Variants in TRAPPC6A observed in about 807,000 individuals in gnomAD.
The protein encoded by TRAPPC6A is trafficking protein particle complex subunit 6A.
Under a neutral mutation model 20.8 loss-of-function variants are expected in TRAPPC6A, and 25 were observed. The ratio of observed to expected loss-of-function variants is 1.20; its 90% CI spans 0.88 to 1.68. TRAPPC6A has a LOEUF of 1.68. Ranked by LOEUF, TRAPPC6A falls within the 40% of genes most tolerant of loss-of-function variation. TRAPPC6A has a pLI of 0.00. For missense variants in TRAPPC6A, 215 were observed against 211.6 expected (o/e 1.02, Z -0.10); for synonymous variants, 96 against 93.3 (o/e 1.03, Z -0.16).
intron 1 of TRAPPC6A, among the ~76,000 whole-genome samples, chr19:45,169,103 G>A (rs898424408): frequency 6.6e-6 from 1 of 152,186 alleles, no homozygotes; most frequent in Non-Finnish European, 1.5e-5. Context: ...GCCGATGACT[G>A]CAGGAGACGG....
Position 45,163,866 on chromosome 19 carries a change from C to A in TRAPPC6A, c.448+50G>T. ...AGGAGTGGGGCTGGAACTCTGAAGCCCCCAGCAACTCAAGGGATGAGAAGA... is the reference window on the plus strand; with the variant it reads ...AGGAGTGGGGCTGGAACTCTGAAGCACCCAGCAACTCAAGGGATGAGAAGA... On this transcript the variant is annotated intron_variant, in intron 5 of 5. Coordinates refer to ENST00000585934, the MANE Select transcript of TRAPPC6A (RefSeq NM_001270891.2). This position sits in a 1 kb window ranked among gnomAD's most constrained non-coding sequence, Gnocchi z 5.3. 6.7e-7 allele frequency: 1 copy of A among 1,484,644 alleles called. No individual in the cohort carries two copies. Among genetic ancestry groups the A allele is most frequent in the Non-Finnish European group, 9.2e-7 (1 of 1,088,148 alleles). The allele number at this position is 1,484,644 out of a possible 1,614,324, so 92.0% of individuals were successfully genotyped here.
chr19:45,178,234 GC>G lies in TRAPPC6A; in HGVS notation c.-17del. On this transcript the variant is annotated 5_prime_UTR_variant, in exon 1 of 6. Coordinates refer to ENST00000585934, the MANE Select transcript of TRAPPC6A (RefSeq NM_001270891.2). ...TATCCGCCATGCCCCCTCCTCGCAC[GC>G]CTAAAGATGCGCCCAGCGCTTCCAG... 3 of 1,576,230 alleles carry G rather than the reference GC, an allele frequency of 1.9e-6. No homozygotes were observed. Among genetic ancestry groups the G allele is most frequent in the Non-Finnish European group, 2.6e-6 (3 of 1,156,708 alleles).
chr19:45,169,665 G>A (rs982768676), intron 1 of TRAPPC6A, among the ~76,000 whole-genome samples: 2 of 152,232 alleles, frequency 1.3e-5, no homozygotes, highest in Admixed American at 1.3e-4. Flanking sequence ...AAGGAAGGGG[G>A]TCTGTTCTGT....
rs890350587 is a variant in TRAPPC6A at position 45,162,993 on chromosome 19, C to T, written c.*199G>A. The T allele has an allele frequency of 8.6e-6, 4 of 464,722 alleles. No homozygotes were observed. Among genetic ancestry groups the T allele is most frequent in the Admixed American group, 8.3e-5 (2 of 23,962 alleles). The allele number at this position is 464,722 out of a possible 1,614,324, so 28.8% of individuals were successfully genotyped here. A position where few individuals can be genotyped will look rare whatever the true frequency, so the allele number is the denominator to read the frequency against. ...GCAGTGACGCTGCCGAGGCGGGAAT[C>T]CCACCACAGTCCTGACCGCAGCTGG... On this transcript the variant is annotated 3_prime_UTR_variant, in exon 6 of 6. Coordinates refer to ENST00000585934, the MANE Select transcript of TRAPPC6A (RefSeq NM_001270891.2).
rs765109470 is a variant in TRAPPC6A, at chr19:45,163,203, G to T, written c.469C>A (p.Pro157Thr). The T allele has an allele frequency of 6.2e-7, 1 of 1,613,940 alleles. No homozygotes were observed. The highest frequency in any genetic ancestry group is 1.1e-5 in the South Asian group (1 of 91,070). ...LPVCKFQVVI[P>T]KS is the part of the protein sequence containing the mutation. ...GGTGCGAGGCAGGCTTAGGATTTCG[G>T]AATCACCACCTGGAACTTACCTGGA... The change falls in exon 6 of 6, where the codon CCG becomes ACG. Residue 157 changes from proline to threonine, a missense_variant. Physicochemically the swap from Pro to Thr is conservative, Grantham distance 38. Coordinates refer to ENST00000585934, the MANE Select transcript of TRAPPC6A (RefSeq NM_001270891.2). This position sits in a 1 kb window ranked among gnomAD's most constrained non-coding sequence, Gnocchi z 5.3.
At chr19:45,168,993 G>T (rs1969216599) in intron 1 of TRAPPC6A, among the ~76,000 whole-genome samples, 1 of 152,238 alleles carries the variant, frequency 6.6e-6, no homozygotes, top group African/African-American at 2.4e-5. Flanking sequence ...CAACGACACG[G>T]CTTCCTGTTG....
intron 1 of TRAPPC6A, among the ~76,000 whole-genome samples, chr19:45,167,866 G>T (rs1027440289): frequency 1.4e-4 from 21 of 152,278 alleles, no homozygotes; most frequent in African/African-American, 4.1e-4. Flanking sequence ...AGGTGTGGTG[G>T]CATGCACCCG....
chr19:45,166,893 G>A (rs1015610293), intron 1 of TRAPPC6A, among the ~76,000 whole-genome samples: 10 of 152,108 alleles, frequency 6.6e-5, no homozygotes, highest in African/African-American at 1.9e-4. Context: ...GCCCTGGAGC[G>A]GGTCTCCCAG....
chr19:45,163,618 C>T lies in TRAPPC6A; in HGVS notation c.448+298G>A, dbSNP rs1199938311. Among the ~76,000 whole-genome samples the T allele has an allele frequency of 7.2e-5, 11 of 152,162 alleles. No homozygotes were observed. Among genetic ancestry groups the T allele is most frequent in the Non-Finnish European group, 2.9e-5 (2 of 68,012 alleles). ...AGAGGACACCCAGTCAGGCAGGCTG[C>T]AAGTTCCCTGGAGCCTGCCGTCGCC... On this transcript the variant is annotated intron_variant, in intron 5 of 5. Transcript: ENST00000585934. This position sits in a 1 kb window ranked among gnomAD's most constrained non-coding sequence, Gnocchi z 5.3.
In TRAPPC6A at chr19:45,178,197, C is replaced by T; in HGVS notation, c.22G>A (p.Glu8Lys). 6.2e-7 allele frequency: 1 copy of T among 1,610,474 alleles called. No homozygotes were observed. The highest frequency in any genetic ancestry group is 8.5e-7 in the Non-Finnish European group (1 of 1,177,342). MADTVLF[E>K]FLHTEMVAEL... The stretch of plus-strand genomic sequence containing the variant: ...GCCACCATCTCCGTGTGAAGAAACT[C>T]AAACAACACAGTATCCGCCATGCCC... Residue 8 changes from glutamate to lysine, a missense_variant, in exon 1 of 6, where the codon GAG becomes AAG. By Grantham distance (56) the Glu-to-Lys change is moderately conservative. Transcript: ENST00000585934.
chr19:45,166,045 G>A (rs1969144776), intron 1 of TRAPPC6A, among the ~76,000 whole-genome samples: 2 of 151,580 alleles, frequency 1.3e-5, no homozygotes, highest in African/African-American at 4.9e-5. Context: ...CAGAGTAGCT[G>A]GGACTACAGG....
At chr19:45,165,244 C>T (rs776420367) in intron 1 of TRAPPC6A, 50 bp from the exon 2 acceptor site, 177 of 1,544,964 alleles carry the variant, frequency 1.1e-4, no homozygotes, top group South Asian at 2.5e-4. Flanking sequence ...ACCACGAACC[C>T]GGGGCCACCC....
rs117709168 is a variant in TRAPPC6A, at chr19:45,174,762, G to T, written c.84+3373C>A. 5.5e-3 allele frequency among the ~76,000 whole-genome samples: 830 copies of T among 152,120 alleles called. 6 individuals are homozygous for T. Among genetic ancestry groups the T allele is most frequent in the Non-Finnish European group, 9.7e-3 (662 of 68,000 alleles). ...GAGGATCACTTGAGCCCAGGAGTGT[G>T]AGGCTACAGTGAACTATGATCATGC... is the stretch of plus-strand genomic sequence containing the variant. On this transcript the variant is annotated intron_variant, in intron 1 of 5. Coordinates refer to ENST00000585934, the MANE Select transcript of TRAPPC6A (RefSeq NM_001270891.2).
At position 45,163,396 on chromosome 19, in the gene TRAPPC6A, T is replaced by C. The variant is rs1969055909; in HGVS notation, c.449-173A>G. On this transcript the variant is annotated intron_variant, in intron 5 of 5. Transcript: ENST00000585934. This position sits in a 1 kb window ranked among gnomAD's most constrained non-coding sequence, Gnocchi z 5.3. ...TGAGCTGTGTGAGTAACCAGGAGCA[T>C]GAGGGCCACGGATGTGGCCCCAGGG... is the stretch of plus-strand genomic sequence containing the variant. Among the ~76,000 whole-genome samples the C allele has an allele frequency of 6.6e-6, 1 of 152,130 alleles. No homozygotes were observed. The highest frequency in any genetic ancestry group is 2.1e-4 in the South Asian group (1 of 4,830).
Position 45,163,322 on chromosome 19 carries a change from C to T in TRAPPC6A, c.449-99G>A. The T allele has an allele frequency of 7.4e-7, 1 of 1,346,354 alleles. No individual in the cohort carries two copies. The highest frequency in any genetic ancestry group is 1.0e-6 in the Non-Finnish European group (1 of 954,236). The allele number at this position is 1,346,354 out of a possible 1,614,324, so 83.4% of individuals were successfully genotyped here. ...GCTCACCCCCGTCCTGCACTGACAC[C>T]CCAGTGGCTAGGTTGGGCTGTTTCC... On this transcript the variant is annotated intron_variant, in intron 5 of 5. Coordinates refer to ENST00000585934, the MANE Select transcript of TRAPPC6A (RefSeq NM_001270891.2). The surrounding 1 kb of genome is among the most constrained non-coding windows in gnomAD (Gnocchi z 5.3).
At position 45,165,138 on chromosome 19, in the gene TRAPPC6A, A is replaced by T. The variant is rs755552082; in HGVS notation, c.141T>A (p.Ala47=). ...LEGMGFRVGQ[A]LGERLPRETL... ...GGGGCCGCGCTCACCTCTCGCCTAG[A>T]GCCTGGCCCACACGGAACCCCATAC... The change falls in exon 2 of 6, where the codon GCT becomes GCA. Residue 47 remains alanine, a synonymous_variant. Coordinates refer to ENST00000585934, the MANE Select transcript of TRAPPC6A (RefSeq NM_001270891.2). 2.0e-5 allele frequency: 32 copies of T among 1,611,686 alleles called. No individual in the cohort carries two copies. The highest frequency in any genetic ancestry group is 2.1e-5 in the Non-Finnish European group (25 of 1,179,068).
At chr19:45,171,302 A>G (rs1026636774) in intron 1 of TRAPPC6A, among the ~76,000 whole-genome samples, 29 of 114,670 alleles carry the variant, frequency 2.5e-4, no homozygotes, top group Non-Finnish European at 2.8e-4. Context: ...ACTCAGTCAC[A>G]AAACAAAACA....
chr19:45,163,311 T>G lies in TRAPPC6A; in HGVS notation c.449-88A>C. 1 of 1,426,198 alleles carries G rather than the reference T, an allele frequency of 7.0e-7. No individual in the cohort carries two copies. The highest frequency in any genetic ancestry group is 1.2e-5 in the South Asian group (1 of 84,578). 88.3% of individuals were successfully genotyped at this position (1,426,198 alleles called of 1,614,324 possible). ...GGCTCTTAGGCGCTCACCCCCGTCC[T>G]GCACTGACACCCCAGTGGCTAGGTT... On this transcript the variant is annotated intron_variant, in intron 5 of 5. Coordinates refer to ENST00000585934, the MANE Select transcript of TRAPPC6A (RefSeq NM_001270891.2). This position sits in a 1 kb window ranked among gnomAD's most constrained non-coding sequence, Gnocchi z 5.3.
At chr19:45,171,334 A>AACAAAACAAC (rs1390664672) in intron 1 of TRAPPC6A, among the ~76,000 whole-genome samples, 1 of 151,682 alleles carries the variant, frequency 6.6e-6, no homozygotes, top group Admixed American at 6.6e-5. Flanking sequence ...AACAAAACAA[A>AACAAAACAAC]ACAGAAGGGC....
Sources: gnomAD v4.1 joint callset for allele counts (sites outside exome capture counted in the v4.1 genomes callset) on GRCh38, gnomAD v4.1.1 for gene constraint, Gnocchi (gnomAD v3.1) non-coding constraint, MANE v1.5 for transcripts, NCBI Gene and HGNC (gene_info 2026-07-23, HGNC 2026-07-21) for gene names.